The following ZNF827 variants were observed in gnomAD, a reference collection of about 807,000 sequenced individuals.
ZNF827 encodes zinc finger protein 827.
ZNF827 carries 13 observed loss-of-function variants against 102.4 expected under a neutral mutation model. The ratio of observed to expected loss-of-function variants is 0.13; its 90% confidence interval spans 0.08 to 0.20. ZNF827 has a LOEUF of 0.20. ZNF827 is among the 10% of genes least tolerant of loss of function. ZNF827 has a pLI of 1.00. For missense variants in ZNF827, 1,103 were observed against 1,344.4 expected (o/e 0.82, Z 2.81); for synonymous variants, 523 against 536.2 (o/e 0.98, Z 0.34).
intron 8 of ZNF827, among the ~76,000 whole-genome samples, chr4:145,813,373 T>C (rs1427430478): frequency 6.6e-6 from 1 of 152,200 alleles, no homozygotes; most frequent in Non-Finnish European, 1.5e-5. Context: ...TTGTTCTATT[T>C]CATTATTATT....
intron 8 of ZNF827, among the ~76,000 whole-genome samples, chr4:145,801,740 A>C (rs149035487): frequency 1.3e-5 from 2 of 152,212 alleles, no homozygotes; most frequent in African/African-American, 4.8e-5. Context: ...CAAGGGTGGG[A>C]TGGAAATTAC....
intron 2 of ZNF827, among the ~76,000 whole-genome samples, chr4:145,899,114 A>G (rs552901029): frequency 8.5e-5 from 13 of 152,288 alleles, no homozygotes; most frequent in Non-Finnish European, 1.5e-4. Context: ...TGAGAGGCCA[A>G]TGCACCTACG....
chr4:145,921,765 C>G (rs1370837635), intron 1 of ZNF827, among the ~76,000 whole-genome samples: 1 of 152,094 alleles, frequency 6.6e-6, no homozygotes, highest in East Asian at 1.9e-4. Context: ...CTCCTAATTC[C>G]CCAAGACTGG....
At chr4:145,935,887 C>G (rs905901550) in intron 1 of ZNF827, among the ~76,000 whole-genome samples, 31 of 152,266 alleles carry the variant, frequency 2.0e-4, no homozygotes, top group African/African-American at 6.7e-4. Context: ...CTGCACTACA[C>G]ACAAGAGGAG....
At chr4:145,795,006 T>A (rs1048132816) in intron 8 of ZNF827, among the ~76,000 whole-genome samples, 1 of 152,200 alleles carries the variant, frequency 6.6e-6, no homozygotes, top group African/African-American at 2.4e-5. Flanking sequence ...GAACCACATG[T>A]ACCTGCCAGA....
At chr4:145,870,809 TCCC>T in intron 4 of ZNF827, 1 of 219,028 alleles carries the variant, frequency 4.6e-6, no homozygotes, top group South Asian at 1.1e-4. Flanking sequence ...ATTAGCACTC[TCCC>T]CACCTAATCC....
chr4:145,835,558 C>T (rs1744741404), intron 7 of ZNF827, among the ~76,000 whole-genome samples: 3 of 149,744 alleles, frequency 2.0e-5, no homozygotes, highest in Non-Finnish European at 4.4e-5. Context: ...TCCTGGACTA[C>T]AGCAATATCT....
intron 8 of ZNF827, among the ~76,000 whole-genome samples, chr4:145,787,996 G>A (rs1739138282): frequency 6.6e-6 from 1 of 152,128 alleles, no homozygotes; most frequent in Non-Finnish European, 1.5e-5. Flanking sequence ...TAAGAAAACT[G>A]AGGCCTAGAG....
chr4:145,772,524 A>G (rs961054239), intron 11 of ZNF827, among the ~76,000 whole-genome samples: 5 of 152,198 alleles, frequency 3.3e-5, no homozygotes, highest in Admixed American at 6.5e-5. Context: ...CTGTTTTTAT[A>G]AATAAAGTTT....
chr4:145,895,776 C>T (rs955848318), intron 2 of ZNF827, among the ~76,000 whole-genome samples: 3 of 152,010 alleles, frequency 2.0e-5, no homozygotes, highest in Non-Finnish European at 4.4e-5. Flanking sequence ...TATTCTATTT[C>T]GTATGCCAAA....
At chr4:145,873,156 C>T (rs1404639400) in intron 4 of ZNF827, among the ~76,000 whole-genome samples, 1 of 151,878 alleles carries the variant, frequency 6.6e-6, no homozygotes, top group Non-Finnish European at 1.5e-5. Flanking sequence ...AGGATGGTCT[C>T]GGCTTCCTGA....
chr4:145,771,679 TA>T (rs112174674), intron 11 of ZNF827, among the ~76,000 whole-genome samples: 7,302 of 152,244 alleles, frequency 0.048, 572 homozygotes, highest in African/African-American at 0.17. Context: ...CCCTTTAACA[TA>T]ACCACTCACA....
At chr4:145,825,957 G>A (rs1468915753) in intron 7 of ZNF827, among the ~76,000 whole-genome samples, 1 of 152,218 alleles carries the variant, frequency 6.6e-6, no homozygotes, top group Non-Finnish European at 1.5e-5. Context: ...GGCTGCCAAT[G>A]TTTCTATCGG....
intron 6 of ZNF827, among the ~76,000 whole-genome samples, chr4:145,848,924 CACTAAT>C (rs1746245889): frequency 6.6e-5 from 10 of 152,080 alleles, no homozygotes; most frequent in African/African-American, 2.2e-4. Flanking sequence ...ATTCAGACCA[CACTAAT>C]TTGGAAGTCA....
rs1425942575 is a variant in ZNF827, at chr4:145,851,293, GA to G, written c.1982-1733del. 2.7e-5 allele frequency among the ~76,000 whole-genome samples: 4 copies of G among 150,742 alleles called. No individual in the cohort carries two copies. The East Asian group carries it at 7.7e-4, about 29-fold the overall frequency. On this transcript the variant is annotated intron_variant, in intron 5 of 14. Transcript: ENST00000508784. Reference sequence around the variant, plus strand: ...CTTCAGATAGATAGATAGATAGATAGATAGACAGACAGACAGGCAGACAGAC... The same window carrying G: ...CTTCAGATAGATAGATAGATAGATAGTAGACAGACAGACAGGCAGACAGAC...
At chr4:145,809,622 C>T (rs757138160) in intron 8 of ZNF827, among the ~76,000 whole-genome samples, 69 of 152,168 alleles carry the variant, frequency 4.5e-4, no homozygotes, top group Non-Finnish European at 6.0e-4. Flanking sequence ...CCAGTTGCTT[C>T]TATAGATAAC....
At chr4:145,924,119 A>G (rs1174279903) in intron 1 of ZNF827, among the ~76,000 whole-genome samples, 2 of 152,234 alleles carry the variant, frequency 1.3e-5, no homozygotes, top group African/African-American at 4.8e-5. Flanking sequence ...CCAGAAAGGT[A>G]ACCATTGAAT....
chr4:145,868,309 T>C (rs748017494), intron 5 of ZNF827, among the ~76,000 whole-genome samples: 10 of 152,228 alleles, frequency 6.6e-5, no homozygotes, highest in Admixed American at 4.6e-4. Flanking sequence ...CTGTGATGCA[T>C]ATCTCTTTGA....
intron 8 of ZNF827, among the ~76,000 whole-genome samples, chr4:145,807,165 G>A (rs1164732907): frequency 6.6e-6 from 1 of 152,110 alleles, no homozygotes. Flanking sequence ...GTCTTTTCCT[G>A]ACCACTGTTG....
Sources: gnomAD v4.1 joint callset for allele counts (sites outside exome capture counted in the v4.1 genomes callset) on GRCh38, gnomAD v4.1.1 for gene constraint, MANE v1.5 for transcripts, NCBI Gene and HGNC (gene_info 2026-07-23, HGNC 2026-07-21) for gene names.